The following PSD3 variants were observed in gnomAD, a reference collection of about 807,000 sequenced individuals.
PSD3 encodes pleckstrin and Sec7 domain containing 3, also known as PH and SEC7 domain-containing protein 3.
In PSD3, 49 loss-of-function variants were observed where a neutral mutation model predicts 105.5. The ratio of observed to expected loss-of-function variants is 0.46; its 90% confidence interval spans 0.37 to 0.59. The LOEUF is 0.59. Among genes scored for constraint, PSD3 ranks in the 20% least tolerant of loss-of-function variants. PSD3 has a pLI of 0.00. For synonymous variants in PSD3, 557 were observed against 457.8 expected, an observed-to-expected ratio of 1.22 and a Z score of -2.77; for missense variants, 1,561 against 1,263.8, an observed-to-expected ratio of 1.24 and a Z score of -3.57.
At chr8:18,743,774 T>TA (rs59579746) in intron 9 of PSD3, among the ~76,000 whole-genome samples, 101 of 142,074 alleles carry the variant, frequency 7.1e-4, no homozygotes, top group African/African-American at 2.5e-3. Flanking sequence ...CTGTCTCTAT[T>TA]AAAAAAAAAA....
At chr8:18,937,550 TTA>T (rs145877319) in intron 1 of PSD3, among the ~76,000 whole-genome samples, 14,449 of 152,244 alleles carry the variant, frequency 0.095, 1,059 homozygotes, top group East Asian at 0.28. Context: ...ACTTTGTTCT[TTA>T]ATACCAAGAG....
chr8:19,030,883 T>C lies in PSD3; in HGVS notation c.324+53323A>G, dbSNP rs760815620. On this transcript the variant is annotated intron_variant, in intron 1 of 1. Transcript: ENST00000521475. Reference sequence around the variant, plus strand: ...AAATATACCTGGATAAGCTGCTTTCTCTTTCAAGTCCCTCTTCTTCAACTC... The same window carrying C: ...AAATATACCTGGATAAGCTGCTTTCCCTTTCAAGTCCCTCTTCTTCAACTC... Among the ~76,000 whole-genome samples the C allele has an allele frequency of 1.2e-4, 19 of 152,346 alleles. No individual in the cohort carries two copies. The South Asian group carries it at 1.4e-3, about 12-fold the overall frequency.
At position 18,867,877 on chromosome 8, in the gene PSD3, G is replaced by A. The variant is rs762493534; in HGVS notation, c.1431C>T (p.Pro477=). The change falls in exon 4 of 16, where the codon CCC becomes CCT. Residue 477 remains proline (P), a synonymous_variant. Transcript: ENST00000327040. The part of the protein sequence containing the change: ...EPDSYFSFEM[P]LTPMIQQRIK... ...TGCGCTGTTGTATCATTGGAGTGAG[G>A]GGCATTTCAAAGCTAAAATAGCTAT... is the stretch of plus-strand genomic sequence containing the variant. 3.1e-6 allele frequency: 5 copies of A among 1,613,978 alleles called. No individual in the cohort carries two copies. Among genetic ancestry groups the A allele is most frequent in the Non-Finnish European group, 4.2e-6 (5 of 1,180,014 alleles).
chr8:18,740,023 A>G (rs996305608), intron 9 of PSD3, among the ~76,000 whole-genome samples: 2 of 152,222 alleles, frequency 1.3e-5, no homozygotes, highest in African/African-American at 4.8e-5. Flanking sequence ...TTTCTTGTGC[A>G]TGGACAAGCT....
intron 8 of PSD3, 76 bp from the exon 9 acceptor site, chr8:18,765,614 G>C: frequency 2.4e-6 from 3 of 1,236,832 alleles, no homozygotes; most frequent in South Asian, 2.4e-5. Context: ...TGATGAGGCA[G>C]ACCAATAATT....
intron 15 of PSD3, among the ~76,000 whole-genome samples, chr8:18,544,264 G>A (rs953602151): frequency 6.7e-6 from 1 of 149,908 alleles, no homozygotes; most frequent in Admixed American, 6.7e-5. Context: ...TCTCCCTTCT[G>A]CGTACTACGA....
At chr8:18,616,494 A>C (rs1181144291) in intron 11 of PSD3, among the ~76,000 whole-genome samples, 1 of 152,118 alleles carries the variant, frequency 6.6e-6, no homozygotes, top group African/African-American at 2.4e-5. Flanking sequence ...TGACATCTTT[A>C]AGGGTCTGAA....
At chr8:18,814,242 G>A (rs771753139) in intron 4 of PSD3, among the ~76,000 whole-genome samples, 3 of 152,128 alleles carry the variant, frequency 2.0e-5, no homozygotes, top group Admixed American at 6.5e-5. Context: ...TACAGATTCT[G>A]CCCCCAGCCC....
At chr8:18,724,005 TAA>T (rs58400660) in intron 9 of PSD3, among the ~76,000 whole-genome samples, 5,517 of 152,250 alleles carry the variant, frequency 0.036, 282 homozygotes, top group African/African-American at 0.11. Flanking sequence ...TGAACTCAAG[TAA>T]AGATCTGTAA....
chr8:18,992,969 A>C (rs1231066443), intron 1 of PSD3, among the ~76,000 whole-genome samples: 1 of 152,198 alleles, frequency 6.6e-6, no homozygotes, highest in Non-Finnish European at 1.5e-5. Flanking sequence ...AAAGGACGCA[A>C]TTTATTACAA....
At chr8:18,942,546 A>G (rs1822615282) in intron 1 of PSD3, among the ~76,000 whole-genome samples, 1 of 152,192 alleles carries the variant, frequency 6.6e-6, no homozygotes, top group Non-Finnish European at 1.5e-5. Flanking sequence ...CTGTATTTGG[A>G]GATAAGGTCT....
intron 9 of PSD3, among the ~76,000 whole-genome samples, chr8:18,763,998 C>T (rs1001957060): frequency 4.6e-5 from 7 of 152,176 alleles, no homozygotes; most frequent in African/African-American, 7.2e-5. Context: ...TCAAAGAACA[C>T]GTTTACTCAA....
chr8:18,776,369 T>TCTAA (rs1370566938), intron 8 of PSD3, among the ~76,000 whole-genome samples: 1 of 144,046 alleles, frequency 6.9e-6, no homozygotes, highest in African/African-American at 2.6e-5. Flanking sequence ...TATCTAAATA[T>TCTAA]ATGTATATAT....
At chr8:19,077,375 T>C (rs574715307) in intron 1 of PSD3, among the ~76,000 whole-genome samples, 17 of 152,220 alleles carry the variant, frequency 1.1e-4, no homozygotes, top group Admixed American at 9.8e-4. Flanking sequence ...TCTAAAAAGT[T>C]AAAATGGACT....
rs142750631 is a variant in PSD3 at position 18,613,851 on chromosome 8, C to T, written c.2411-13417G>A. On this transcript the variant is annotated intron_variant, in intron 11 of 15. Coordinates refer to ENST00000327040, the MANE Select transcript of PSD3 (RefSeq NM_015310.4). Reference sequence around the variant, plus strand: ...ACAACCATGATATCCTGAAAAACAGCTGAATTTCACCAGCGCTGCAACTCC... The same window carrying T: ...ACAACCATGATATCCTGAAAAACAGTTGAATTTCACCAGCGCTGCAACTCC... 6.5e-3 allele frequency among the ~76,000 whole-genome samples: 994 copies of T among 152,290 alleles called. 15 individuals carry two copies. The highest frequency in any genetic ancestry group is 0.022 in the African/African-American group (912 of 41,544).
intron 1 of PSD3, among the ~76,000 whole-genome samples, chr8:18,976,639 C>A (rs545773164): frequency 3.3e-5 from 5 of 152,118 alleles, no homozygotes; most frequent in East Asian, 3.9e-4. Flanking sequence ...TAACAATAAT[C>A]TACCTCATAG....
chr8:18,689,975 T>C (rs1350872040), intron 9 of PSD3, among the ~76,000 whole-genome samples: 1 of 152,182 alleles, frequency 6.6e-6, no homozygotes, highest in Non-Finnish European at 1.5e-5. Flanking sequence ...GGCCCAGGTT[T>C]CTTAATTACC....
chr8:18,589,246 A>T (rs1428057952), intron 12 of PSD3, among the ~76,000 whole-genome samples: 1 of 152,212 alleles, frequency 6.6e-6, no homozygotes, highest in African/African-American at 2.4e-5. Flanking sequence ...AAATAAAGAC[A>T]GTATGAGATA....
At chr8:18,836,477 T>C (rs1814118067) in intron 4 of PSD3, among the ~76,000 whole-genome samples, 2 of 152,228 alleles carry the variant, frequency 1.3e-5, no homozygotes, top group Non-Finnish European at 2.9e-5. Context: ...CATATATTAA[T>C]ACTAAAATGG....
Sources: gnomAD v4.1 joint callset for allele counts (sites outside exome capture counted in the v4.1 genomes callset) on GRCh38, gnomAD v4.1.1 for gene constraint, MANE v1.5 for transcripts, NCBI Gene and HGNC (gene_info 2026-07-23, HGNC 2026-07-21) for gene names.